SPOCK1: variants seen among roughly 807,000 people sequenced by gnomAD.
SPOCK1 encodes SPARC (osteonectin), cwcv and kazal like domains proteoglycan 1.
In SPOCK1, 23 loss-of-function variants were observed where a neutral mutation model predicts 55.3. The ratio of observed to expected loss-of-function variants is 0.42; its 90% CI spans 0.30 to 0.59. The LOEUF is 0.59. Ranked by LOEUF, SPOCK1 falls within the 20% of genes least tolerant of loss-of-function variation. SPOCK1 has a pLI of 0.22. For synonymous variants in SPOCK1, 226 were observed against 221.0 expected, an observed-to-expected ratio of 1.02 and a Z score of -0.20; for missense variants, 499 against 552.5, an observed-to-expected ratio of 0.90 and a Z score of 0.97.
At chr5:137,029,628 C>G (rs907077766) in intron 6 of SPOCK1, among the ~76,000 whole-genome samples, 1 of 152,142 alleles carries the variant, frequency 6.6e-6, no homozygotes, top group Admixed American at 6.5e-5. Context: ...CTTGGTTTGG[C>G]AAGGAAGCCA....
At chr5:137,126,820 T>C (rs2966729) in intron 4 of SPOCK1, among the ~76,000 whole-genome samples, 72,652 of 152,042 alleles carry the variant, frequency 0.48, 17,540 homozygotes, top group Middle Eastern at 0.52. Context: ...CTTGGCTGAA[T>C]TGTGTTCATG....
intron 3 of SPOCK1, among the ~76,000 whole-genome samples, chr5:137,164,870 T>A (rs1190570351): frequency 2.0e-5 from 3 of 152,178 alleles, no homozygotes; most frequent in Non-Finnish European, 4.4e-5. Flanking sequence ...GGACTGTACC[T>A]TGTGGTCTGA....
intron 2 of SPOCK1, among the ~76,000 whole-genome samples, chr5:137,410,632 T>G (rs781524012): frequency 1.3e-5 from 2 of 152,258 alleles, no homozygotes; most frequent in Non-Finnish European, 2.9e-5. Flanking sequence ...AAATAGGGAC[T>G]GCACCCCACG....
At chr5:137,089,740 CA>C (rs1263467965) in intron 5 of SPOCK1, among the ~76,000 whole-genome samples, 1 of 144,342 alleles carries the variant, frequency 6.9e-6, no homozygotes, top group East Asian at 2.0e-4. Context: ...ACAGAAACGC[CA>C]AATCTACACT....
intron 6 of SPOCK1, among the ~76,000 whole-genome samples, chr5:137,039,993 A>G (rs1025077188): frequency 6.6e-6 from 1 of 152,214 alleles, no homozygotes; most frequent in Admixed American, 6.5e-5. Flanking sequence ...GAGTCTGCCA[A>G]GGTTACCTCC....
intron 2 of SPOCK1, among the ~76,000 whole-genome samples, chr5:137,403,766 G>A (rs544543250): frequency 1.8e-4 from 27 of 152,086 alleles, no homozygotes; most frequent in East Asian, 9.7e-4. Context: ...GGAACAGAGC[G>A]AGTGAGGCAG....
At chr5:137,278,676 A>G (rs1757113778) in intron 2 of SPOCK1, among the ~76,000 whole-genome samples, 1 of 152,186 alleles carries the variant, frequency 6.6e-6, no homozygotes, top group Admixed American at 6.5e-5. Flanking sequence ...TTGTTGTAAC[A>G]CAATTTCTCC....
intron 2 of SPOCK1, among the ~76,000 whole-genome samples, chr5:137,433,957 G>A (rs1752802871): frequency 6.6e-6 from 1 of 152,214 alleles, no homozygotes; most frequent in Non-Finnish European, 1.5e-5. Context: ...CACTATAAGT[G>A]ATGAAACAAT....
chr5:137,074,472 A>G (rs1407268956), intron 5 of SPOCK1, among the ~76,000 whole-genome samples: 3 of 152,202 alleles, frequency 2.0e-5, no homozygotes, highest in Non-Finnish European at 4.4e-5. Context: ...ACAGAAAGCA[A>G]GAGTACACAA....
intron 6 of SPOCK1, among the ~76,000 whole-genome samples, chr5:136,994,596 T>C (rs1438093836): frequency 1.3e-5 from 2 of 151,932 alleles, no homozygotes; most frequent in African/African-American, 4.8e-5. Context: ...ACATTAGGGC[T>C]AGCATCACAG....
intron 6 of SPOCK1, among the ~76,000 whole-genome samples, chr5:137,025,070 T>G (rs184775718): frequency 1.3e-5 from 2 of 152,250 alleles, no homozygotes; most frequent in Admixed American, 1.3e-4. Context: ...CAAATGGATA[T>G]CATCAAAGAG....
chr5:137,023,004 C>A (rs565598705), intron 6 of SPOCK1, among the ~76,000 whole-genome samples: 1 of 152,134 alleles, frequency 6.6e-6, no homozygotes, highest in African/African-American at 2.4e-5. Flanking sequence ...CAAAGCCTAG[C>A]AAATAAGAGA....
rs553499995 is a variant in SPOCK1 at position 136,994,333 on chromosome 5, C to T, written c.590-1733G>A. The stretch of plus-strand genomic sequence containing the variant: ...CGACAGGGAGCAAAGAATAACTTCT[C>T]AGGAGTCGCGCTGGCTGGAATGAAT... On this transcript the variant is annotated intron_variant, in intron 6 of 10. Coordinates refer to ENST00000394945, the MANE Select transcript of SPOCK1 (RefSeq NM_004598.4). Among the ~76,000 whole-genome samples the T allele has an allele frequency of 1.4e-4, 22 of 152,232 alleles. 1 individual carries two copies. In the South Asian group the frequency reaches 3.9e-3, roughly 27 times the overall value.
intron 3 of SPOCK1, among the ~76,000 whole-genome samples, chr5:137,186,463 T>C (rs556534914): frequency 6.6e-6 from 1 of 152,352 alleles, no homozygotes; most frequent in East Asian, 1.9e-4. Context: ...AAGGACTCAA[T>C]TCCACTCAAA....
intron 2 of SPOCK1, among the ~76,000 whole-genome samples, chr5:137,474,743 G>A (rs1034648510): frequency 6.6e-6 from 1 of 152,154 alleles, no homozygotes; most frequent in Non-Finnish European, 1.5e-5. Flanking sequence ...GCACAGTGAT[G>A]TCCATGACAA....
intron 2 of SPOCK1, among the ~76,000 whole-genome samples, chr5:137,311,352 C>T (rs945850316): frequency 3.3e-5 from 5 of 152,164 alleles, no homozygotes; most frequent in African/African-American, 7.2e-5. Flanking sequence ...TGTTCCTGAG[C>T]CACCATGCTA....
At chr5:137,431,791 T>C (rs1752750480) in intron 2 of SPOCK1, among the ~76,000 whole-genome samples, 1 of 152,158 alleles carries the variant, frequency 6.6e-6, no homozygotes, top group African/African-American at 2.4e-5. Context: ...ACTTAAAAGC[T>C]CTCACCAGAA....
At chr5:137,167,817 C>T (rs941170768) in intron 3 of SPOCK1, among the ~76,000 whole-genome samples, 8 of 151,886 alleles carry the variant, frequency 5.3e-5, no homozygotes, top group Admixed American at 3.3e-4. Context: ...CCATGGGATA[C>T]AGCAAAAGCA....
intron 8 of SPOCK1, among the ~76,000 whole-genome samples, chr5:136,985,939 TC>T (rs1250949262): frequency 6.6e-6 from 1 of 152,216 alleles, no homozygotes; most frequent in Non-Finnish European, 1.5e-5. Context: ...TCATGGTTCA[TC>T]CTGTCCTTGG....
Sources: gnomAD v4.1 joint callset for allele counts (sites outside exome capture counted in the v4.1 genomes callset) on GRCh38, gnomAD v4.1.1 for gene constraint, MANE v1.5 for transcripts, NCBI Gene and HGNC (gene_info 2026-07-23, HGNC 2026-07-21) for gene names.